Variants in TP53I13 observed in about 807,000 individuals in gnomAD.
TP53I13 encodes the protein tumor protein p53-inducible protein 13.
In TP53I13, 27 loss-of-function variants were observed where a neutral mutation model predicts 39.1. The ratio of observed to expected loss-of-function variants is 0.69; its 90% CI spans 0.51 to 0.95. TP53I13 has a LOEUF of 0.95. TP53I13 is among the 40% of genes least tolerant of loss of function. The pLI is 0.00. For missense variants in TP53I13, 544 were observed against 520.4 expected (o/e 1.05, Z -0.44); for synonymous variants, 230 against 224.6 (o/e 1.02, Z -0.22).
the TP53I13 span, chr17:29,578,260 C>A: frequency 6.5e-7 from 1 of 1,542,436 alleles, no homozygotes; most frequent in East Asian, 2.2e-5. Context: ...CTGGGCCGCT[C>A]GGGTCCTCCA....
At chr17:29,578,689 G>A in the TP53I13 span, 2 of 1,556,872 alleles carry the variant, frequency 1.3e-6, no homozygotes, top group African/African-American at 1.4e-5. Context: ...GATCAGAGAG[G>A]GGCCAGCTTC....
chr17:29,578,462 C>A, the TP53I13 span: 1 of 1,221,194 alleles, frequency 8.2e-7, no homozygotes, highest in South Asian at 1.2e-5. Context: ...CTTGGGGAAC[C>A]GGTGGCCTTC....
At chr17:29,568,668 C>T, upstream of TP53I13, 2 of 896,054 alleles carry the variant, frequency 2.2e-6, no homozygotes, top group Non-Finnish European at 2.7e-6. This position sits in a 1 kb window ranked among gnomAD's most constrained non-coding sequence, Gnocchi z 4.5. Flanking sequence ...GCGCGGGCGG[C>T]GCGGGGGCGC....
chr17:29,576,285 G>A (rs1567769238), downstream of TP53I13: 1 of 1,612,548 alleles, frequency 6.2e-7, no homozygotes, highest in African/African-American at 1.3e-5. Context: ...AAGGGCTTCA[G>A]GGCAGAGCCA....
upstream of TP53I13, chr17:29,566,406 G>A (rs752483462): frequency 6.2e-7 from 1 of 1,611,882 alleles, no homozygotes; most frequent in Non-Finnish European, 8.5e-7. Context: ...AGATGACCGG[G>A]TAGTAGCCGC....
chr17:29,574,806 C>T, downstream of TP53I13: 1 of 1,612,290 alleles, frequency 6.2e-7, no homozygotes. Flanking sequence ...TGGAAGTCCA[C>T]TGGGGCGCCG....
In TP53I13 at chr17:29,572,654, C is replaced by T. The variant is rs756900806; in HGVS notation, c.1026C>T (p.Ser342=). The T allele has an allele frequency of 1.9e-6, 3 of 1,582,520 alleles. No homozygotes were observed. Among genetic ancestry groups the T allele is most frequent in the African/African-American group, 2.7e-5 (2 of 74,194 alleles). The stretch of plus-strand genomic sequence containing the variant: ...ACAGAAACTTCCGACGCGGGGAGAG[C>T]ATCTACTGGGGGCCCACAGCGGACA... ...RLHRNFRRGE[S]IYWGPTADSQ... Residue 342 remains serine, a synonymous_variant, in exon 6 of 7, where the codon AGC becomes AGT. Coordinates refer to ENST00000301057, the MANE Select transcript of TP53I13 (RefSeq NM_138349.4).
chr17:29,572,005 C>G lies in TP53I13; in HGVS notation c.461C>G (p.Pro154Arg). The G allele has an allele frequency of 6.2e-7, 1 of 1,613,164 alleles. No individual in the cohort carries two copies. Among genetic ancestry groups the G allele is most frequent in the East Asian group, 2.2e-5 (1 of 44,880 alleles). The stretch of plus-strand genomic sequence containing the variant: ...TGTGAAAGCCTTTCAGGGCCTGCTC[C>G]CTCCGAGCCAACTCCCGGTAGAGGG... ...IYCESLSGPAPSEPTPGRGRL... is the reference protein window; with the variant it reads ...IYCESLSGPARSEPTPGRGRL... The change falls in exon 5 of 7, where the codon CCC becomes CGC. Residue 154 changes from proline to arginine, a missense_variant. Coordinates refer to ENST00000301057, the MANE Select transcript of TP53I13 (RefSeq NM_138349.4).
At chr17:29,569,412 G>C (rs371950174) in intron 3 of TP53I13, 53 bp downstream of exon 3, 82 of 1,575,880 alleles carry the variant, frequency 5.2e-5, no homozygotes, top group Admixed American at 2.1e-4. Context: ...GGAGACAGGC[G>C]CTCCTAGCAG....
Position 29,572,559 on chromosome 17 carries a change from G to A in TP53I13, c.931G>A (p.Ala311Thr), listed in dbSNP as rs761327650. ...CCCCACCCCACGCACTGAAGAGGCC[G>A]CCTGGGCTGCCATGGCCCTGACCTT... ...RGPTPRTEEA[A>T]WAAMALTFLL... The change falls in exon 6 of 7, where the codon GCC (alanine) becomes ACC (threonine). Residue 311 changes from alanine to threonine, a missense_variant. Ala to Thr is a moderately conservative substitution (Grantham distance 58). Transcript: ENST00000301057. 19 of 1,600,264 alleles carry A rather than the reference G, an allele frequency of 1.2e-5. No individual in the cohort carries two copies. In the African/African-American group the frequency reaches 1.3e-4, roughly 11 times the overall value.
chr17:29,580,480 G>A, the TP53I13 span, among the ~76,000 whole-genome samples: 1 of 152,206 alleles, frequency 6.6e-6, no homozygotes, highest in African/African-American at 2.4e-5. Context: ...GGCCATCAGA[G>A]GTGGCCACCA....
downstream of TP53I13, chr17:29,577,139 T>TG: frequency 1.2e-6 from 2 of 1,613,356 alleles, no homozygotes; most frequent in Non-Finnish European, 1.7e-6. Context: ...CTCCCACCTG[T>TG]GGGGCTGCTC....
chr17:29,579,141 C>G, the TP53I13 span: 1 of 670,422 alleles, frequency 1.5e-6, no homozygotes, highest in Non-Finnish European at 2.7e-6. Context: ...CTCACCGCGT[C>G]CCCCACCCCT....
rs1385255878 is a variant in TP53I13, at chr17:29,572,012, G to A, written c.468G>A (p.Glu156=). ...GCCTTTCAGGGCCTGCTCCCTCCGA[G>A]CCAACTCCCGGTAGAGGGAGGCTGT... is the stretch of plus-strand genomic sequence containing the variant. ...CESLSGPAPS[E]PTPGRGRLCR... The change falls in exon 5 of 7, where the codon GAG becomes GAA. Residue 156 remains glutamate (E), a synonymous_variant. Transcript: ENST00000301057. 1 of 1,613,156 alleles carries A rather than the reference G, an allele frequency of 6.2e-7. No homozygotes were observed. Among genetic ancestry groups the A allele is most frequent in the Non-Finnish European group, 8.5e-7 (1 of 1,180,018 alleles).
intron 6 of TP53I13, 31 bp downstream of exon 6, chr17:29,572,728 G>A: frequency 6.7e-7 from 1 of 1,496,926 alleles, no homozygotes; most frequent in Non-Finnish European, 8.9e-7. Flanking sequence ...CCTACCCGAG[G>A]CCCCCGCCCC....
rs199981752 is a variant in TP53I13, at chr17:29,571,652, C to T, written c.245C>T (p.Ala82Val). ...CATCCCTGGCTGAAGCTCCAGCTTG[C>T]CCTCCTGGCCTATGCTTGTATGGCT... ...CAHPWLKLQL[A>V]LLAYACMANP... Residue 82 changes from alanine (A) to valine (V), a missense_variant, in exon 4 of 7, where the codon GCC becomes GTC. Ala to Val is a moderately conservative substitution (Grantham distance 64). Coordinates refer to ENST00000301057, the MANE Select transcript of TP53I13 (RefSeq NM_138349.4). 1.2e-4 allele frequency: 194 copies of T among 1,614,046 alleles called. 1 individual carries two copies. Among genetic ancestry groups the T allele is most frequent in the Non-Finnish European group, 1.5e-4 (181 of 1,180,040 alleles).
downstream of TP53I13, among the ~76,000 whole-genome samples, chr17:29,577,897 G>A (rs527259767): frequency 1.1e-4 from 17 of 152,362 alleles, no homozygotes; most frequent in Admixed American, 3.3e-4. Context: ...GAGCTAGGCC[G>A]GGCCAGGGCA....
Position 29,573,150 on chromosome 17 carries a change from T to G in TP53I13, c.*226T>G. On this transcript the variant is annotated 3_prime_UTR_variant, in exon 7 of 7. Coordinates refer to ENST00000301057, the MANE Select transcript of TP53I13 (RefSeq NM_138349.4). Reference sequence around the variant, plus strand: ...AACTCCGTTTCTAATTAAATTATTTTTAGTAGACTCTGGAGTTGAGCTTGT... The same window carrying G: ...AACTCCGTTTCTAATTAAATTATTTGTAGTAGACTCTGGAGTTGAGCTTGT... 2.4e-6 allele frequency: 1 copy of G among 415,566 alleles called. No individual in the cohort carries two copies. Among genetic ancestry groups the G allele is most frequent in the African/African-American group, 2.1e-5 (1 of 47,592 alleles). The allele number at this position is 415,566 out of a possible 1,614,324, so 25.7% of individuals were successfully genotyped here. A position where few individuals can be genotyped will look rare whatever the true frequency, so the allele number is the denominator to read the frequency against.
At chr17:29,578,194 G>A in the TP53I13 span, 1 of 934,046 alleles carries the variant, frequency 1.1e-6, no homozygotes, top group South Asian at 1.3e-5. Flanking sequence ...AGGCCTCTGA[G>A]CAGCCCCAAC....
Sources: gnomAD v4.1 joint callset for allele counts (sites outside exome capture counted in the v4.1 genomes callset) on GRCh38, gnomAD v4.1.1 for gene constraint, Gnocchi (gnomAD v3.1) non-coding constraint, MANE v1.5 for transcripts, NCBI Gene and HGNC (gene_info 2026-07-23, HGNC 2026-07-21) for gene names.